Variants in MACROD2 observed in about 807,000 individuals in gnomAD.
MACROD2 encodes the protein mono-ADP ribosylhydrolase 2, also known as ADP-ribose glycohydrolase MACROD2.
MACROD2 carries 36 observed loss-of-function variants against 70.4 expected under a neutral mutation model. That is an observed-to-expected ratio of 0.51 (90% CI 0.39 to 0.68). The LOEUF (loss-of-function observed/expected upper bound fraction) is 0.68, where lower values mean the gene tolerates loss of function less well. Among genes scored for constraint, MACROD2 ranks in the 30% least tolerant of loss-of-function variants. The pLI, the probability that MACROD2 is intolerant of heterozygous loss-of-function variation, is 0.00. For missense variants in MACROD2, 496 were observed against 538.4 expected (o/e 0.92, Z 0.78); for synonymous variants, 172 against 178.8 (o/e 0.96, Z 0.30).
rs1568567422 is a variant in MACROD2 at position 15,088,441 on chromosome 20, AT to A, written c.419-141498del. 9.6e-3 allele frequency among the ~76,000 whole-genome samples: 366 copies of A among 38,048 alleles called. 4 individuals carry two copies. The highest frequency in any genetic ancestry group is 0.016 in the Non-Finnish European group (264 of 16,072). 25.0% of individuals were successfully genotyped at this position (38,048 alleles called of 152,430 possible). A position where few individuals can be genotyped will look rare whatever the true frequency, so the allele number is the denominator to read the frequency against. On this transcript the variant is annotated intron_variant, in intron 5 of 17. Transcript: ENST00000684519. ...TATATATATATATATATATATATATATATATATATAATATTTTGTGTGTGTG... is the reference window on the plus strand; with the variant it reads ...TATATATATATATATATATATATATAATATATATAATATTTTGTGTGTGTG...
At chr20:15,493,043 G>A (rs1278223545) in intron 7 of MACROD2, among the ~76,000 whole-genome samples, 2 of 152,140 alleles carry the variant, frequency 1.3e-5, no homozygotes, top group Non-Finnish European at 2.9e-5. Context: ...CGGCTGGGTG[G>A]GGTGAGGATA....
At chr20:15,782,766 G>T (rs187387225) in intron 8 of MACROD2, among the ~76,000 whole-genome samples, 1 of 144,648 alleles carries the variant, frequency 6.9e-6, no homozygotes, top group African/African-American at 2.5e-5. Context: ...TTTGTAGACT[G>T]CATACCAGTT....
chr20:14,432,685 C>T (rs550377368), intron 3 of MACROD2, among the ~76,000 whole-genome samples: 3 of 152,166 alleles, frequency 2.0e-5, no homozygotes, highest in Non-Finnish European at 2.9e-5. Flanking sequence ...TGGAGCACTT[C>T]AGGTATGAGG....
intron 8 of MACROD2, among the ~76,000 whole-genome samples, chr20:15,798,357 T>C (rs1997798): frequency 0.28 from 42,909 of 151,688 alleles, 6,482 homozygotes; most frequent in East Asian, 0.43. Context: ...ATGGCTAGGA[T>C]ACCCGCTCTG....
chr20:15,710,536 A>G (rs1274133678), intron 8 of MACROD2, among the ~76,000 whole-genome samples: 1 of 152,242 alleles, frequency 6.6e-6, no homozygotes, highest in Non-Finnish European at 1.5e-5. Flanking sequence ...AACCCTGAAG[A>G]TCTTCATCCA....
chr20:15,715,991 G>T lies in MACROD2; in HGVS notation c.646-146754G>T, dbSNP rs141833291. On this transcript the variant is annotated intron_variant, in intron 8 of 17. Coordinates refer to ENST00000684519, the MANE Select transcript of MACROD2 (RefSeq NM_001351661.2). ...AAGTACTACCCCTTCACAGTAGGTT[G>T]GCATTTTTACTCCAAATTATGCAAG... Among the ~76,000 whole-genome samples the T allele has an allele frequency of 9.2e-5, 14 of 152,144 alleles. 1 individual carries two copies. The highest frequency in any genetic ancestry group is 3.4e-4 in the African/African-American group (14 of 41,514).
chr20:14,015,398 A>G (rs1052593713), intron 2 of MACROD2, among the ~76,000 whole-genome samples: 3 of 152,142 alleles, frequency 2.0e-5, no homozygotes, highest in Admixed American at 6.6e-5. Context: ...CCTTGGCAAC[A>G]TAGTGAGACT....
chr20:14,978,368 G>A lies in MACROD2; in HGVS notation c.419-251572G>A, dbSNP rs560219139. Among the ~76,000 whole-genome samples the A allele has an allele frequency of 8.9e-4, 45 of 50,596 alleles. 1 individual carries two copies. The highest frequency in any genetic ancestry group is 4.0e-3 in the Admixed American group (21 of 5,274). The allele number at this position is 50,596 out of a possible 152,430, so 33.2% of individuals were successfully genotyped here. A position where few individuals can be genotyped will look rare whatever the true frequency, so the allele number is the denominator to read the frequency against. ...TAACATAGAAGTAGTCCCCCTCTCC[G>A]CGCCCCGCCCCCCCCACTTTTTTTA... On this transcript the variant is annotated intron_variant, in intron 5 of 17. Transcript: ENST00000684519.
intron 5 of MACROD2, among the ~76,000 whole-genome samples, chr20:14,756,550 TA>T (rs1256905139): frequency 2.0e-5 from 3 of 152,108 alleles, no homozygotes; most frequent in African/African-American, 7.3e-5. Context: ...AATTATAATG[TA>T]TGAATTTCAA....
intron 5 of MACROD2, among the ~76,000 whole-genome samples, chr20:14,995,533 TAATA>T: frequency 6.6e-6 from 1 of 151,876 alleles, no homozygotes; most frequent in Non-Finnish European, 1.5e-5. Flanking sequence ...AAAATAAAAT[TAATA>T]AATAATTAAT....
intron 13 of MACROD2, among the ~76,000 whole-genome samples, chr20:15,968,533 A>G (rs1415949620): frequency 1.3e-5 from 2 of 152,054 alleles, no homozygotes; most frequent in African/African-American, 4.8e-5. Context: ...TAAGAGACTA[A>G]TTAAATGTAC....
At chr20:14,314,255 G>C (rs1445381307) in intron 3 of MACROD2, among the ~76,000 whole-genome samples, 1 of 152,132 alleles carries the variant, frequency 6.6e-6, no homozygotes. Context: ...GTAATGTAAT[G>C]AGCCCAGTTC....
chr20:14,906,554 T>A (rs1278651199), intron 5 of MACROD2, among the ~76,000 whole-genome samples: 2 of 152,166 alleles, frequency 1.3e-5, no homozygotes, highest in Non-Finnish European at 2.9e-5. Flanking sequence ...TACGTAGCAC[T>A]TCCTAATAGC....
chr20:14,478,101 C>A (rs2084619209), intron 3 of MACROD2, among the ~76,000 whole-genome samples: 1 of 151,984 alleles, frequency 6.6e-6, no homozygotes, highest in African/African-American at 2.4e-5. Flanking sequence ...GGATAAAAAC[C>A]TGTGAAAGAA....
At chr20:15,895,016 C>T (rs1367812843) in intron 10 of MACROD2, among the ~76,000 whole-genome samples, 1 of 152,188 alleles carries the variant, frequency 6.6e-6, no homozygotes, top group Non-Finnish European at 1.5e-5. Context: ...AACTCTACCT[C>T]ACCAAATGAT....
chr20:15,479,109 G>T (rs932093205), intron 7 of MACROD2, among the ~76,000 whole-genome samples: 3 of 152,142 alleles, frequency 2.0e-5, no homozygotes, highest in African/African-American at 7.2e-5. Flanking sequence ...TTAGATTAAT[G>T]CTCACAAATC....
At chr20:14,214,449 G>A (rs2081597423) in intron 3 of MACROD2, among the ~76,000 whole-genome samples, 1 of 152,026 alleles carries the variant, frequency 6.6e-6, no homozygotes, top group Non-Finnish European at 1.5e-5. Flanking sequence ...GTTATGTATT[G>A]AACACAATGG....
intron 6 of MACROD2, among the ~76,000 whole-genome samples, chr20:15,349,814 A>T (rs1459440877): frequency 6.6e-6 from 1 of 151,278 alleles, no homozygotes; most frequent in African/African-American, 2.4e-5. Context: ...TTAATTATGG[A>T]GAATGGAAGG....
At chr20:14,346,161 ATTTTC>A (rs1329251246) in intron 3 of MACROD2, among the ~76,000 whole-genome samples, 1 of 147,896 alleles carries the variant, frequency 6.8e-6, no homozygotes, top group Non-Finnish European at 1.5e-5. Flanking sequence ...TCAGGCTTGC[ATTTTC>A]TTGAAGTTTG....
Sources: gnomAD v4.1 joint callset for allele counts (sites outside exome capture counted in the v4.1 genomes callset) on GRCh38, gnomAD v4.1.1 for gene constraint, MANE v1.5 for transcripts, NCBI Gene and HGNC (gene_info 2026-07-23, HGNC 2026-07-21) for gene names.